TSHZ2: variants seen among roughly 807,000 people sequenced by gnomAD.
TSHZ2 encodes the protein teashirt homolog 2.
TSHZ2 carries 21 observed loss-of-function variants against 74.4 expected under a neutral mutation model. The observed-to-expected ratio is 0.28, with a 90% CI of 0.20 to 0.41. The LOEUF is 0.41. TSHZ2 is among the 10% of genes least tolerant of loss of function. TSHZ2 has a pLI of 1.00. For missense variants in TSHZ2, 1,244 were observed against 1,293.5 expected (o/e 0.96, Z 0.59); for synonymous variants, 540 against 515.3 (o/e 1.05, Z -0.65).
intron 1 of TSHZ2, among the ~76,000 whole-genome samples, chr20:53,044,651 C>G (rs913364610): frequency 6.6e-6 from 1 of 152,148 alleles, no homozygotes; most frequent in African/African-American, 2.4e-5. Flanking sequence ...GACCCCAGCC[C>G]CAGTTCCCCA....
chr20:53,253,530 G>A lies in TSHZ2; in HGVS notation c.72G>A (p.Glu24=), dbSNP rs7275044. The A allele has an allele frequency of 1.9e-6, 3 of 1,612,552 alleles. No homozygotes were observed. The African/African-American group carries it at 4.0e-5, about 22-fold the overall frequency. The change falls in exon 2 of 3, where the codon GAG becomes GAA. Residue 24 remains glutamate, a synonymous_variant. Transcript: ENST00000371497. ...GYAQEEQLKE[E]EEIKEEEEEE... is the part of the protein sequence containing the mutation. ...CCCAGGAGGAACAGCTGAAAGAAGA[G>A]GAGGAAATAAAAGAAGAGGAGGAGG...
chr20:53,250,690 T>A (rs1291552181), intron 1 of TSHZ2, among the ~76,000 whole-genome samples: 1 of 152,170 alleles, frequency 6.6e-6, no homozygotes, highest in Non-Finnish European at 1.5e-5. Flanking sequence ...AACATGTCAA[T>A]GCCTAATTAA....
chr20:53,266,186 C>T (rs773418828), intron 2 of TSHZ2, among the ~76,000 whole-genome samples: 2 of 151,982 alleles, frequency 1.3e-5, no homozygotes, highest in Non-Finnish European at 2.9e-5. Flanking sequence ...ACAGGGAGTC[C>T]GGGAGGGCTT....
chr20:53,223,924 CACACACA>C (rs1989623734), intron 1 of TSHZ2, among the ~76,000 whole-genome samples: 1 of 148,996 alleles, frequency 6.7e-6, no homozygotes, highest in Non-Finnish European at 1.5e-5. Flanking sequence ...CACACACACA[CACACACA>C]CCCCTAAGTT....
At chr20:53,444,645 C>A (rs1984481778) in intron 2 of TSHZ2, among the ~76,000 whole-genome samples, 2 of 152,202 alleles carry the variant, frequency 1.3e-5, no homozygotes. Context: ...CTCAACTGTG[C>A]AAACCCGCTG....
intron 1 of TSHZ2, among the ~76,000 whole-genome samples, chr20:53,056,344 T>C (rs1169912333): frequency 6.6e-6 from 1 of 152,206 alleles, no homozygotes; most frequent in Non-Finnish European, 1.5e-5. Flanking sequence ...AGGTGATGCC[T>C]AAGTACCAGA....
chr20:53,030,475 A>G (rs1321280759), intron 1 of TSHZ2, among the ~76,000 whole-genome samples: 2 of 152,206 alleles, frequency 1.3e-5, no homozygotes, highest in African/African-American at 2.4e-5. Context: ...GTCAGCAAGC[A>G]TCAACAGAAG....
At chr20:53,245,451 CAG>C (rs777931297) in intron 1 of TSHZ2, among the ~76,000 whole-genome samples, 11 of 152,340 alleles carry the variant, frequency 7.2e-5, no homozygotes, top group Admixed American at 6.5e-5. Context: ...CTGGAGAGGA[CAG>C]GGGCTGAAAG....
chr20:53,159,221 T>C (rs1164719409), intron 1 of TSHZ2, among the ~76,000 whole-genome samples: 2 of 152,242 alleles, frequency 1.3e-5, no homozygotes, highest in Non-Finnish European at 2.9e-5. Context: ...CCACCCTAGT[T>C]TCCAGAGTTA....
chr20:53,209,084 A>C (rs1568814216), intron 1 of TSHZ2, among the ~76,000 whole-genome samples: 1 of 152,192 alleles, frequency 6.6e-6, no homozygotes, highest in Non-Finnish European at 1.5e-5. Context: ...GCTGTATTTA[A>C]AATGCAAATA....
intron 2 of TSHZ2, among the ~76,000 whole-genome samples, chr20:53,388,049 T>C (rs1354586870): frequency 8.8e-6 from 1 of 113,136 alleles, no homozygotes; most frequent in Non-Finnish European, 1.8e-5. Context: ...ACTCCATCTC[T>C]ACAAAAAAAA....
At chr20:53,235,376 G>A (rs573486241) in intron 1 of TSHZ2, among the ~76,000 whole-genome samples, 211 of 151,848 alleles carry the variant, frequency 1.4e-3, no homozygotes, top group African/African-American at 4.1e-3. Context: ...CACCATGTTG[G>A]CCATGCTGGT....
chr20:53,461,189 C>G (rs1317030044), intron 2 of TSHZ2, among the ~76,000 whole-genome samples: 5 of 151,970 alleles, frequency 3.3e-5, no homozygotes, highest in African/African-American at 7.3e-5. Context: ...TAGCAATCAG[C>G]GAGACTCCAT....
intron 1 of TSHZ2, among the ~76,000 whole-genome samples, chr20:53,215,523 AT>A (rs1476466517): frequency 2.7e-5 from 4 of 145,800 alleles, no homozygotes; most frequent in Admixed American, 7.0e-5. Context: ...GGCATCCTAG[AT>A]TTTTTTTTTG....
At chr20:53,321,189 C>T (rs888784413) in intron 2 of TSHZ2, among the ~76,000 whole-genome samples, 23 of 152,160 alleles carry the variant, frequency 1.5e-4, no homozygotes, top group African/African-American at 4.8e-4. Flanking sequence ...ATTTTTATTA[C>T]ACAATGTTCA....
At chr20:53,118,770 T>C (rs1269348616) in intron 1 of TSHZ2, among the ~76,000 whole-genome samples, 9 of 152,132 alleles carry the variant, frequency 5.9e-5, no homozygotes, top group Admixed American at 5.9e-4. Flanking sequence ...GAAAGGCATC[T>C]TGGTGGGTGT....
chr20:53,474,750 A>G (rs1438405040), intron 2 of TSHZ2, among the ~76,000 whole-genome samples: 1 of 128,438 alleles, frequency 7.8e-6, no homozygotes, highest in Non-Finnish European at 1.6e-5. Flanking sequence ...AGTGTGCTGT[A>G]TTCAGGAAAC....
chr20:53,406,424 G>A (rs1286666136), intron 2 of TSHZ2, among the ~76,000 whole-genome samples: 3 of 152,074 alleles, frequency 2.0e-5, no homozygotes, highest in African/African-American at 7.2e-5. Context: ...ATTTGGAGAG[G>A]CAGGGGTAGA....
At chr20:53,309,022 A>G (rs778691899) in intron 2 of TSHZ2, among the ~76,000 whole-genome samples, 9 of 152,222 alleles carry the variant, frequency 5.9e-5, no homozygotes, top group Non-Finnish European at 1.3e-4. Flanking sequence ...GGTTCTTCAC[A>G]TGAAGGGAGG....
Sources: gnomAD v4.1 joint callset for allele counts (sites outside exome capture counted in the v4.1 genomes callset) on GRCh38, gnomAD v4.1.1 for gene constraint, MANE v1.5 for transcripts, NCBI Gene and HGNC (gene_info 2026-07-23, HGNC 2026-07-21) for gene names.